Variants in AGO3 observed in about 807,000 individuals in gnomAD.
The protein encoded by AGO3 is protein argonaute-3.
A neutral mutation model predicts 105.5 loss-of-function variants in AGO3; 16 were observed. The observed-to-expected ratio is 0.15, with a 90% CI of 0.10 to 0.23. AGO3 has a LOEUF of 0.23. Among genes scored for constraint, AGO3 ranks in the 10% least tolerant of loss-of-function variants. The probability of loss-of-function intolerance (pLI) is 1.00; values close to 1 mark genes in which losing one functional copy is unlikely to be tolerated. For synonymous variants in AGO3, 340 were observed against 367.3 expected, an observed-to-expected ratio of 0.93 and a Z score of 0.85; for missense variants, 534 against 1,088.0, an observed-to-expected ratio of 0.49 and a Z score of 7.16.
At chr1:35,982,495 G>C in intron 5 of AGO3, 1 of 595,042 alleles carries the variant, frequency 1.7e-6, no homozygotes. Flanking sequence ...TAAATGCAAA[G>C]AGAATAGAAA....
At chr1:35,988,426 A>C (rs183607642) in intron 5 of AGO3, among the ~76,000 whole-genome samples, 32 of 152,202 alleles carry the variant, frequency 2.1e-4, no homozygotes, top group Non-Finnish European at 4.0e-4. Context: ...GCTTTGACCA[A>C]CATCTCACCA....
Position 36,034,309 on chromosome 1 carries a change from A to G in AGO3, c.1727A>G (p.Asn576Ser). ...LKINVKLGGI[N>S]NILVPHQRPS... is the part of the protein sequence containing the mutation. ...ATAAATGTTAAACTCGGAGGGATCA[A>G]TAATATTCTTGTACCTCATCAAAGG... Residue 576 changes from asparagine to serine, a missense_variant, in exon 13 of 19, where the codon AAT (asparagine) becomes AGT (serine). Physicochemically the swap from Asn to Ser is conservative, Grantham distance 46. Coordinates refer to ENST00000373191, the MANE Select transcript of AGO3 (RefSeq NM_024852.4). The G allele has an allele frequency of 6.2e-7, 1 of 1,602,922 alleles. No homozygotes were observed. The highest frequency in any genetic ancestry group is 8.5e-7 in the Non-Finnish European group (1 of 1,176,586).
Position 36,062,096 on chromosome 1 carries a change from A to G in AGO3, c.*6351A>G, listed in dbSNP as rs1007020471. 3.3e-5 allele frequency: 5 copies of G among 152,082 alleles called. No homozygotes were observed. Among genetic ancestry groups the G allele is most frequent in the Non-Finnish European group, 7.4e-5 (5 of 67,990 alleles). The allele number at this position is 152,082 out of a possible 1,614,324, so 9.4% of individuals were successfully genotyped here. A position where few individuals can be genotyped will look rare whatever the true frequency, so the allele number is the denominator to read the frequency against. On this transcript the variant is annotated 3_prime_UTR_variant, in exon 19 of 19. Coordinates refer to ENST00000373191, the MANE Select transcript of AGO3 (RefSeq NM_024852.4). ...AACTTTTTAACAAGATTATGGGTAT[A>G]GTACCAATGTCCAAAGGGAAATGTA...
intron 5 of AGO3, among the ~76,000 whole-genome samples, chr1:35,994,042 ATTTTTTTT>A (rs759085356): frequency 1.7e-4 from 11 of 65,838 alleles, no homozygotes; most frequent in East Asian, 1.2e-3. Flanking sequence ...CTGCGCCCAG[ATTTTTTTT>A]TTTTTTTTTT....
intron 5 of AGO3, among the ~76,000 whole-genome samples, chr1:35,987,995 G>A (rs1647278820): frequency 6.6e-6 from 1 of 151,986 alleles, no homozygotes; most frequent in Non-Finnish European, 1.5e-5. Context: ...TTGAACCCGG[G>A]AGGCGGAGGT....
At chr1:36,018,881 C>T (rs1331751636) in intron 11 of AGO3, among the ~76,000 whole-genome samples, 2 of 151,858 alleles carry the variant, frequency 1.3e-5, no homozygotes, top group Non-Finnish European at 2.9e-5. Context: ...AGTCTTGATC[C>T]ACAATCTTGG....
At chr1:36,029,696 CTTT>C (rs370133222) in intron 12 of AGO3, among the ~76,000 whole-genome samples, 2 of 123,034 alleles carry the variant, frequency 1.6e-5, no homozygotes, top group Non-Finnish European at 3.4e-5. Flanking sequence ...ATGCCCGGCC[CTTT>C]TTTTTTTTTT....
rs1336326867 is a variant in AGO3 at position 35,931,378 on chromosome 1, C to T, written c.-49C>T. On this transcript the variant is annotated 5_prime_UTR_variant, in exon 1 of 19. Coordinates refer to ENST00000373191, the MANE Select transcript of AGO3 (RefSeq NM_024852.4). ...CGCCCCCCGGGCCGCCTCCTTGCCG[C>T]CAGTGGCGGGCTCCGTTCTCCCTCG... 7.1e-7 allele frequency: 1 copy of T among 1,412,294 alleles called. No homozygotes were observed. The highest frequency in any genetic ancestry group is 9.3e-7 in the Non-Finnish European group (1 of 1,076,204). The allele number at this position is 1,412,294 out of a possible 1,614,324, so 87.5% of individuals were successfully genotyped here.
chr1:36,068,872 T>A lies in AGO3; in HGVS notation c.*13127T>A, dbSNP rs568522681. On this transcript the variant is annotated 3_prime_UTR_variant, in exon 19 of 19. Transcript: ENST00000373191. ...GCTATAAGAGAGAAGGCTTAAGGTGTTCTTTAATGGAGGAACTTTTGAAAG... is the reference window on the plus strand; with the variant it reads ...GCTATAAGAGAGAAGGCTTAAGGTGATCTTTAATGGAGGAACTTTTGAAAG... 1 of 152,322 alleles carries A rather than the reference T, an allele frequency of 6.6e-6. No individual in the cohort carries two copies. Among genetic ancestry groups the A allele is most frequent in the African/African-American group, 2.4e-5 (1 of 41,568 alleles). 9.4% of individuals were successfully genotyped at this position (152,322 alleles called of 1,614,324 possible). A position where few individuals can be genotyped will look rare whatever the true frequency, so the allele number is the denominator to read the frequency against.
At chr1:35,944,784 G>T (rs572088489) in intron 1 of AGO3, among the ~76,000 whole-genome samples, 1 of 151,950 alleles carries the variant, frequency 6.6e-6, no homozygotes, top group Middle Eastern at 3.4e-3. Context: ...GATTGCAGAC[G>T]TGAGGCACTG....
chr1:35,965,132 T>TA (rs567277800), intron 2 of AGO3, among the ~76,000 whole-genome samples: 7,222 of 146,698 alleles, frequency 0.049, 555 homozygotes, highest in African/African-American at 0.17. Context: ...ACTGTTGAGT[T>TA]AAAAAAAAAA....
At chr1:35,978,417 C>T (rs953229861) in intron 5 of AGO3, among the ~76,000 whole-genome samples, 3 of 152,170 alleles carry the variant, frequency 2.0e-5, no homozygotes, top group African/African-American at 7.2e-5. Context: ...GTCTCGAACT[C>T]CTGACCTCAG....
intron 6 of AGO3, among the ~76,000 whole-genome samples, chr1:36,006,156 A>G (rs553241685): frequency 4.9e-4 from 74 of 151,078 alleles, no homozygotes; most frequent in Admixed American, 2.7e-3. Context: ...ATGTATTCCT[A>G]CTACAGTAAC....
At chr1:36,036,998 ATTCT>A (rs1642041285) in intron 14 of AGO3, among the ~76,000 whole-genome samples, 1 of 151,798 alleles carries the variant, frequency 6.6e-6, no homozygotes. Context: ...GCCCAGCCAA[ATTCT>A]TTATTTTACT....
At chr1:35,940,562 C>G (rs1646235573) in intron 1 of AGO3, among the ~76,000 whole-genome samples, 1 of 151,982 alleles carries the variant, frequency 6.6e-6, no homozygotes, top group Non-Finnish European at 1.5e-5. Flanking sequence ...TTAACATAAT[C>G]CTTTGAATTT....
chr1:36,032,977 A>T (rs1641849575), intron 12 of AGO3, among the ~76,000 whole-genome samples: 1 of 151,880 alleles, frequency 6.6e-6, no homozygotes, highest in South Asian at 2.1e-4. Flanking sequence ...ATACAAAAAA[A>T]AAAAATTATC....
At chr1:35,987,896 C>A (rs573094345) in intron 5 of AGO3, among the ~76,000 whole-genome samples, 1 of 151,788 alleles carries the variant, frequency 6.6e-6, no homozygotes, top group Non-Finnish European at 1.5e-5. Context: ...GGTGAAACCC[C>A]GTCTCTACTA....
At position 36,063,972 on chromosome 1, in the gene AGO3, C is replaced by T. The variant is rs1401024421; in HGVS notation, c.*8227C>T. The T allele has an allele frequency of 6.6e-6, 1 of 152,206 alleles. No homozygotes were observed. Among genetic ancestry groups the T allele is most frequent in the Non-Finnish European group, 1.5e-5 (1 of 68,076 alleles). The allele number at this position is 152,206 out of a possible 1,614,324, so 9.4% of individuals were successfully genotyped here. On this transcript the variant is annotated 3_prime_UTR_variant, in exon 19 of 19. Transcript: ENST00000373191. ...TACTGCCCAGGCTGGTCTTGAACTC[C>T]TAAGCTCAAGTGCTTCTCCCACATC...
intron 1 of AGO3, among the ~76,000 whole-genome samples, chr1:35,942,143 T>A (rs1333024538): frequency 6.6e-6 from 1 of 152,194 alleles, no homozygotes; most frequent in Non-Finnish European, 1.5e-5. Flanking sequence ...GAAGAGATTT[T>A]TAAAAAAACA....
Sources: gnomAD v4.1 joint callset for allele counts (sites outside exome capture counted in the v4.1 genomes callset) on GRCh38, gnomAD v4.1.1 for gene constraint, MANE v1.5 for transcripts, NCBI Gene and HGNC (gene_info 2026-07-23, HGNC 2026-07-21) for gene names.